MDGA2: variants seen among roughly 807,000 people sequenced by gnomAD.
MDGA2 encodes MAM domain containing glycosylphosphatidylinositol anchor 2, also known as MAM domain-containing glycosylphosphatidylinositol anchor protein 2.
MDGA2 carries 40 observed loss-of-function variants against 117.8 expected under a neutral mutation model. The ratio of observed to expected loss-of-function variants is 0.34; its 90% confidence interval spans 0.26 to 0.44. The LOEUF (loss-of-function observed/expected upper bound fraction) is 0.44. Among genes scored for constraint, MDGA2 ranks in the 20% least tolerant of loss-of-function variants. MDGA2 has a pLI of 1.00. For synonymous variants in MDGA2, 452 were observed against 439.0 expected (o/e 1.03, Z -0.37); for missense variants, 1,123 against 1,250.6 (o/e 0.90, Z 1.54).
chr14:47,424,380 G>C (rs950390028), intron 1 of MDGA2, among the ~76,000 whole-genome samples: 1 of 150,678 alleles, frequency 6.6e-6, no homozygotes, highest in African/African-American at 2.4e-5. Context: ...CCATGATCAC[G>C]CCACTGCCCT....
intron 3 of MDGA2, among the ~76,000 whole-genome samples, chr14:47,192,224 C>T (rs181267836): frequency 9.9e-5 from 15 of 152,168 alleles, no homozygotes; most frequent in African/African-American, 3.4e-4. Context: ...TGGGACCGAA[C>T]GAGGTGGCTC....
chr14:47,200,960 T>C, intron 3 of MDGA2: 3 of 831,540 alleles, frequency 3.6e-6, no homozygotes, highest in East Asian at 2.4e-5. Flanking sequence ...AACTTGTTTC[T>C]GTAGAAATTG....
chr14:47,320,302 A>G (rs2139872516), intron 1 of MDGA2, among the ~76,000 whole-genome samples: 1 of 152,238 alleles, frequency 6.6e-6, no homozygotes, highest in East Asian at 1.9e-4. Context: ...GGATCGATTG[A>G]GCCCAGGAGT....
chr14:47,609,453 A>ATATATATATATATATATG (rs1896805559), intron 1 of MDGA2, among the ~76,000 whole-genome samples: 2 of 102,280 alleles, frequency 2.0e-5, no homozygotes, highest in African/African-American at 8.2e-5. Context: ...ATATATATAT[A>ATATATATATATATATATG]TATATATATA....
chr14:47,316,427 G>A (rs1023880286), intron 1 of MDGA2, among the ~76,000 whole-genome samples: 4 of 151,934 alleles, frequency 2.6e-5, no homozygotes, highest in African/African-American at 9.7e-5. Flanking sequence ...CAAATCTAAA[G>A]TTCTCTTTTT....
intron 10 of MDGA2, among the ~76,000 whole-genome samples, chr14:46,897,226 C>T (rs918142490): frequency 6.6e-6 from 1 of 152,108 alleles, no homozygotes; most frequent in African/African-American, 2.4e-5. Context: ...TCTAGTATCA[C>T]TCTCCACTGA....
chr14:47,309,733 A>G lies in MDGA2; in HGVS notation c.281-8183T>C, dbSNP rs553813315. Reference sequence around the variant, plus strand: ...AAACTTTAAACATTTAATTTAAGTTAAATTTTAATTTAATTTGTTATTTAA... The same window carrying G: ...AAACTTTAAACATTTAATTTAAGTTGAATTTTAATTTAATTTGTTATTTAA... On this transcript the variant is annotated intron_variant, in intron 1 of 16. Coordinates refer to ENST00000399232, the MANE Select transcript of MDGA2 (RefSeq NM_001113498.3). Among the ~76,000 whole-genome samples the G allele has an allele frequency of 5.9e-5, 9 of 152,238 alleles. No homozygotes were observed. In the South Asian group the frequency reaches 1.7e-3, roughly 28 times the overall value.
intron 8 of MDGA2, among the ~76,000 whole-genome samples, chr14:46,990,010 T>C (rs1170013101): frequency 6.6e-6 from 1 of 152,128 alleles, no homozygotes; most frequent in Non-Finnish European, 1.5e-5. Flanking sequence ...GGACAGGCTG[T>C]CACTAAAGAA....
chr14:47,055,561 A>G (rs1479181273), intron 7 of MDGA2, among the ~76,000 whole-genome samples: 1 of 152,170 alleles, frequency 6.6e-6, no homozygotes, highest in African/African-American at 2.4e-5. Flanking sequence ...CAATCTTATA[A>G]AATGTATTAA....
At chr14:47,631,098 CT>C (rs1452583636) in intron 1 of MDGA2, among the ~76,000 whole-genome samples, 1 of 152,200 alleles carries the variant, frequency 6.6e-6, no homozygotes, top group Non-Finnish European at 1.5e-5. Context: ...ACCTGGAAGG[CT>C]TTTGCAGTAG....
At chr14:47,490,849 T>A (rs1350898298) in intron 1 of MDGA2, among the ~76,000 whole-genome samples, 1 of 152,136 alleles carries the variant, frequency 6.6e-6, no homozygotes, top group Non-Finnish European at 1.5e-5. Context: ...GTAGAATGAA[T>A]TAACCTTCTT....
intron 2 of MDGA2, among the ~76,000 whole-genome samples, chr14:47,243,494 T>C (rs949090693): frequency 2.0e-5 from 3 of 151,688 alleles, no homozygotes; most frequent in Non-Finnish European, 4.4e-5. Context: ...GCTGCTTTTA[T>C]GAGCTGTAAC....
chr14:47,181,163 G>A (rs73248080), intron 3 of MDGA2, among the ~76,000 whole-genome samples: 34,129 of 151,906 alleles, frequency 0.22, 4,301 homozygotes, highest in East Asian at 0.41. Flanking sequence ...ATCGTGGTTC[G>A]CTGCACCTAG....
In MDGA2 at chr14:46,841,951, T is replaced by G. The variant is rs777025242; in HGVS notation, c.3058A>C (p.Ile1020Leu). Residue 1020 changes from isoleucine (I) to leucine (L), a missense_variant, in exon 17 of 17, where the codon ATC (isoleucine) becomes CTC (leucine). By Grantham distance (5) the Ile-to-Leu change is conservative. Around this residue, in one of 2 missense-constraint regions of MDGA2, gnomAD observed 890 missense variants for 1,050.3 expected, o/e 0.85. Transcript: ENST00000399232. Reference protein sequence around the residue: ...WLFPIIVLISILSPRR With the variant: ...WLFPIIVLISLLSPRR ...TAAGGTCACCTTCGAGGACTTAAGA[T>G]AGAGATGAGGACGATAATGGGAAAA... is the stretch of plus-strand genomic sequence containing the variant. 8.1e-6 allele frequency: 13 copies of G among 1,611,912 alleles called. No individual in the cohort carries two copies. The highest frequency in any genetic ancestry group is 1.1e-5 in the Non-Finnish European group (13 of 1,178,526).
chr14:47,530,658 A>G (rs1594902208), intron 1 of MDGA2, among the ~76,000 whole-genome samples: 1 of 151,278 alleles, frequency 6.6e-6, no homozygotes, highest in Non-Finnish European at 1.5e-5. Context: ...GAAGGCAGTG[A>G]CCCCCCTGGA....
intron 1 of MDGA2, among the ~76,000 whole-genome samples, chr14:47,668,163 C>G (rs972478404): frequency 6.6e-6 from 1 of 152,008 alleles, no homozygotes; most frequent in Non-Finnish European, 1.5e-5. Flanking sequence ...GGAAAAGAAA[C>G]AGTTTTTAAA....
intron 10 of MDGA2, among the ~76,000 whole-genome samples, chr14:46,906,630 A>G (rs1883504724): frequency 1.3e-5 from 2 of 152,184 alleles, no homozygotes. Flanking sequence ...GCCATCTGTT[A>G]GCTAGAACTT....
chr14:47,097,285 T>C (rs537466810), intron 5 of MDGA2, among the ~76,000 whole-genome samples, 162 bp from the exon 6 acceptor site: 10 of 152,244 alleles, frequency 6.6e-5, no homozygotes, highest in African/African-American at 1.9e-4. Context: ...ATTTAATGGT[T>C]TCATATTTTA....
intron 1 of MDGA2, among the ~76,000 whole-genome samples, chr14:47,460,747 G>A (rs1393626424): frequency 6.6e-5 from 10 of 152,030 alleles, no homozygotes; most frequent in Admixed American, 5.9e-4. Context: ...GGTTCTAGGT[G>A]GTGATTGTCA....
Sources: gnomAD v4.1 joint callset for allele counts (sites outside exome capture counted in the v4.1 genomes callset) on GRCh38, gnomAD v4.1.1 for gene constraint, gnomAD v4.1.1 regional missense constraint, MANE v1.5 for transcripts, NCBI Gene and HGNC (gene_info 2026-07-23, HGNC 2026-07-21) for gene names.